The following TAB2 variants were observed in gnomAD, a reference collection of about 807,000 sequenced individuals.
TAB2 encodes the protein TGF-beta activated kinase 1 (MAP3K7) binding protein 2.
A neutral mutation model predicts 65.0 loss-of-function variants in TAB2; 3 were observed. The observed-to-expected ratio is 0.05, with a 90% CI of 0.02 to 0.12. TAB2 has a LOEUF of 0.12. TAB2 is among the 10% of genes least tolerant of loss of function. The probability of loss-of-function intolerance (pLI) is 1.00; values close to 1 mark genes in which losing one functional copy is unlikely to be tolerated. For missense variants in TAB2, 623 were observed against 840.3 expected (o/e 0.74, Z 3.20); for synonymous variants, 298 against 285.1 (o/e 1.05, Z -0.46).
chr6:149,304,944 T>C (rs967028322), intron 1 of TAB2, among the ~76,000 whole-genome samples: 1 of 151,640 alleles, frequency 6.6e-6, no homozygotes, highest in Non-Finnish European at 1.5e-5. Flanking sequence ...ATACTTCTCA[T>C]ATACTTTAAT....
intron 1 of TAB2, among the ~76,000 whole-genome samples, chr6:149,273,258 G>A (rs1294401183): frequency 6.6e-6 from 1 of 152,196 alleles, no homozygotes; most frequent in Non-Finnish European, 1.5e-5. Flanking sequence ...ATCCTTAGAT[G>A]GTGAAATTGA....
chr6:149,334,954 T>C (rs1404844992), intron 1 of TAB2, among the ~76,000 whole-genome samples: 1 of 152,164 alleles, frequency 6.6e-6, no homozygotes, highest in Admixed American at 6.6e-5. Context: ...TTGGACAAGG[T>C]GACTTTAGGT....
At chr6:149,276,180 T>C (rs1337263221) in intron 1 of TAB2, among the ~76,000 whole-genome samples, 1 of 152,232 alleles carries the variant, frequency 6.6e-6, no homozygotes, top group Non-Finnish European at 1.5e-5. Flanking sequence ...AAAAATAAAC[T>C]TTATTTAAAA....
chr6:149,279,536 T>A (rs1417423450), intron 1 of TAB2, among the ~76,000 whole-genome samples: 1 of 152,156 alleles, frequency 6.6e-6, no homozygotes, highest in Non-Finnish European at 1.5e-5. Context: ...CTTGTCACAA[T>A]GGGATTTGGA....
intron 1 of TAB2, among the ~76,000 whole-genome samples, chr6:149,259,838 G>A (rs1214059304): frequency 3.9e-5 from 6 of 152,298 alleles, no homozygotes; most frequent in Non-Finnish European, 2.9e-5. Context: ...TGTCAGAGCC[G>A]GGACATAGCC....
At chr6:149,326,425 C>G (rs7757390) in intron 1 of TAB2, among the ~76,000 whole-genome samples, 2,236 of 152,208 alleles carry the variant, frequency 0.015, 57 homozygotes, top group African/African-American at 0.051. Context: ...TTTATGCAAT[C>G]TGTAAAATAA....
At chr6:149,326,948 C>T (rs2114742366) in intron 1 of TAB2, among the ~76,000 whole-genome samples, 1 of 152,252 alleles carries the variant, frequency 6.6e-6, no homozygotes, top group Non-Finnish European at 1.5e-5. Flanking sequence ...TTGGATAGGT[C>T]ACTTAATATC....
chr6:149,351,674 T>G (rs769685652), intron 1 of TAB2, among the ~76,000 whole-genome samples: 5 of 152,310 alleles, frequency 3.3e-5, no homozygotes, highest in Non-Finnish European at 7.4e-5. Flanking sequence ...ACAGAAAAAT[T>G]AAATGATTTG....
intron 1 of TAB2, among the ~76,000 whole-genome samples, chr6:149,366,534 A>G (rs1439688692): frequency 2.6e-5 from 4 of 152,214 alleles, no homozygotes; most frequent in Admixed American, 6.5e-5. Flanking sequence ...TAGCTACCCA[A>G]ACTAACTGGG....
chr6:149,231,211 G>A lies in TAB2; in HGVS notation c.-121+12435G>A, dbSNP rs145065003. Among the ~76,000 whole-genome samples the A allele has an allele frequency of 1.5e-3, 227 of 152,348 alleles. 2 individuals are homozygous for A. Among genetic ancestry groups the A allele is most frequent in the African/African-American group, 4.4e-3 (184 of 41,578 alleles). ...GAACATTAGGAAGGGGAGACGAAAT[G>A]TGGACAATGATTCCATTTTATTACA... On this transcript the variant is annotated intron_variant, in intron 1 of 1. Transcript: ENST00000606202.
In TAB2 at chr6:149,410,023, T is replaced by C; in HGVS notation, c.*304T>C. On this transcript the variant is annotated 3_prime_UTR_variant, in exon 7 of 7. Transcript: ENST00000637181. ...TCTCAATATGTTAACACCTAGGTGT[T>C]CCCAATACCTTTTTCCCCTCATGTC... is the stretch of plus-strand genomic sequence containing the variant. 2.5e-6 allele frequency: 1 copy of C among 400,326 alleles called. No homozygotes were observed. Among genetic ancestry groups the C allele is most frequent in the Non-Finnish European group, 4.6e-6 (1 of 219,090 alleles). 24.8% of individuals were successfully genotyped at this position (400,326 alleles called of 1,614,324 possible).
chr6:149,400,652 T>C, intron 6 of TAB2: 1 of 1,614,222 alleles, frequency 6.2e-7, no homozygotes, highest in South Asian at 1.1e-5. Flanking sequence ...TTGATGTGTT[T>C]CAACAGCCTA....
chr6:149,325,944 G>T (rs536950997), intron 1 of TAB2, among the ~76,000 whole-genome samples: 9 of 152,000 alleles, frequency 5.9e-5, no homozygotes, highest in Non-Finnish European at 1.3e-4. Flanking sequence ...TTCCTATTTT[G>T]CTTAGGCTGG....
At chr6:149,384,218 A>G (rs971411545) in intron 3 of TAB2, among the ~76,000 whole-genome samples, 2 of 152,236 alleles carry the variant, frequency 1.3e-5, no homozygotes, top group African/African-American at 4.8e-5. Flanking sequence ...AGAAGGGAAC[A>G]TACGTACATA....
At chr6:149,400,730 T>C (rs1782356653) in intron 6 of TAB2, 2 of 1,573,706 alleles carry the variant, frequency 1.3e-6, no homozygotes, top group East Asian at 4.5e-5. Context: ...AAGACCAAGA[T>C]TACTGCATTC....
intron 1 of TAB2, among the ~76,000 whole-genome samples, chr6:149,369,272 G>A (rs1394565635): frequency 1.3e-5 from 2 of 151,994 alleles, no homozygotes; most frequent in Non-Finnish European, 2.9e-5. Context: ...AATCACCTTG[G>A]GATCTTTTAA....
intron 1 of TAB2, among the ~76,000 whole-genome samples, chr6:149,237,797 G>T (rs994715171): frequency 2.0e-5 from 3 of 152,158 alleles, no homozygotes; most frequent in African/African-American, 7.2e-5. Context: ...TCAGGGATGA[G>T]CAATGATGCC....
At chr6:149,308,942 C>T (rs1274037690) in intron 1 of TAB2, among the ~76,000 whole-genome samples, 1 of 152,078 alleles carries the variant, frequency 6.6e-6, no homozygotes, top group Non-Finnish European at 1.5e-5. Flanking sequence ...CTATAAGTTC[C>T]ATGAGGGCCA....
At chr6:149,326,873 C>T (rs1779637005) in intron 1 of TAB2, among the ~76,000 whole-genome samples, 1 of 152,128 alleles carries the variant, frequency 6.6e-6, no homozygotes, top group Non-Finnish European at 1.5e-5. Flanking sequence ...GTATTATGCA[C>T]AGAAATTTGA....
Sources: allele counts gnomAD v4.1 joint callset (sites outside exome capture counted in the v4.1 genomes callset), GRCh38; gene constraint gnomAD v4.1.1; transcripts MANE v1.5; gene names NCBI Gene and HGNC (gene_info 2026-07-23, HGNC 2026-07-21).